The following TMEM30A variants were observed in gnomAD, a reference collection of about 807,000 sequenced individuals.
TMEM30A encodes cell cycle control protein 50A.
A neutral mutation model predicts 38.2 loss-of-function variants in TMEM30A; 24 were observed. The ratio of observed to expected loss-of-function variants is 0.63; its 90% CI spans 0.46 to 0.88. The LOEUF (loss-of-function observed/expected upper bound fraction) is 0.88, where lower values mean the gene tolerates loss of function less well. Ranked by LOEUF, TMEM30A falls within the 40% of genes least tolerant of loss-of-function variation. TMEM30A has a pLI of 0.00. For missense variants in TMEM30A, 370 were observed against 458.6 expected, an observed-to-expected ratio of 0.81 and a Z score of 1.77; for synonymous variants, 145 against 161.6, an observed-to-expected ratio of 0.90 and a Z score of 0.78.
At chr6:75,273,619 G>A (rs1259965444) in intron 1 of TMEM30A, among the ~76,000 whole-genome samples, 1 of 152,060 alleles carries the variant, frequency 6.6e-6, no homozygotes, top group African/African-American at 2.4e-5. Flanking sequence ...CCTGACTGGG[G>A]GCTTGGAACA....
chr6:75,275,734 G>C (rs1049312303), intron 1 of TMEM30A, among the ~76,000 whole-genome samples: 1 of 152,036 alleles, frequency 6.6e-6, no homozygotes, highest in Non-Finnish European at 1.5e-5. Context: ...ACTTGCAATA[G>C]CCTCTTAACT....
chr6:75,259,085 T>C (rs1771919774), intron 5 of TMEM30A, 99 bp from the exon 6 acceptor site: 1 of 1,043,936 alleles, frequency 9.6e-7, no homozygotes, highest in Non-Finnish European at 1.4e-6. Flanking sequence ...TAGGGGTTTA[T>C]TCAAAAGAAG....
rs1582275517 is a variant in TMEM30A, at chr6:75,260,690, C to A, written c.541+134G>T. The A allele has an allele frequency of 8.7e-6, 4 of 461,708 alleles. No individual in the cohort carries two copies. The East Asian group carries it at 1.4e-4, about 16-fold the overall frequency. The allele number at this position is 461,708 out of a possible 1,614,324, so 28.6% of individuals were successfully genotyped here. A position where few individuals can be genotyped will look rare whatever the true frequency, so the allele number is the denominator to read the frequency against. ...GAAAATCACAAATCATTATAATACCCCATTCAATACTCGATTTAGTCTTAA... is the reference window on the plus strand; with the variant it reads ...GAAAATCACAAATCATTATAATACCACATTCAATACTCGATTTAGTCTTAA... On this transcript the variant is annotated intron_variant, in intron 4 of 6. Transcript: ENST00000230461.
At chr6:75,266,534 C>T (rs1454652272) in intron 2 of TMEM30A, among the ~76,000 whole-genome samples, 1 of 152,148 alleles carries the variant, frequency 6.6e-6, no homozygotes, top group African/African-American at 2.4e-5. Context: ...AGAGTTTAGT[C>T]CAATTCAAAG....
intron 5 of TMEM30A, 111 bp downstream of exon 5, chr6:75,259,236 G>C: frequency 8.1e-7 from 1 of 1,240,052 alleles, no homozygotes; most frequent in Non-Finnish European, 1.1e-6. Context: ...GCTGAGGAAA[G>C]AAAAATTGTG....
In TMEM30A at chr6:75,258,813, G is replaced by A. The variant is rs759668824; in HGVS notation, c.859C>T (p.Pro287Ser). Reference protein sequence around the residue: ...ERKSDLHPTLPAGRYSLNVTY... With the variant: ...ERKSDLHPTLSAGRYSLNVTY... ...ACATTCAAAGAGTATCGGCCAGCTG[G>A]TAATGTTGGATGTAAATCACTTTTC... is the stretch of plus-strand genomic sequence containing the variant. The change falls in exon 6 of 7, where the codon CCA becomes TCA. Residue 287 changes from proline to serine, a missense_variant. Pro to Ser is a moderately conservative substitution (Grantham distance 74). Coordinates refer to ENST00000230461, the MANE Select transcript of TMEM30A (RefSeq NM_018247.4). 4 of 1,613,886 alleles carry A rather than the reference G, an allele frequency of 2.5e-6. No individual in the cohort carries two copies. Among genetic ancestry groups the A allele is most frequent in the South Asian group, 2.2e-5 (2 of 91,076 alleles).
intron 2 of TMEM30A, 114 bp downstream of exon 2, chr6:75,267,527 A>T: frequency 1.6e-6 from 1 of 642,670 alleles, no homozygotes; most frequent in Non-Finnish European, 2.5e-6. Flanking sequence ...TATAAACTCC[A>T]GTAAATTATA....
intron 1 of TMEM30A, among the ~76,000 whole-genome samples, chr6:75,269,546 T>G (rs931987089): frequency 6.6e-6 from 1 of 152,264 alleles, no homozygotes; most frequent in Non-Finnish European, 1.5e-5. Context: ...GTTCACCTAC[T>G]GAAGGACATC....
chr6:75,256,252 C>A lies in TMEM30A; in HGVS notation c.936G>T (p.Leu312Phe). The A allele has an allele frequency of 6.2e-7, 1 of 1,613,472 alleles. No individual in the cohort carries two copies. Among genetic ancestry groups the A allele is most frequent in the East Asian group, 2.2e-5 (1 of 44,862 alleles). The change falls in exon 7 of 7, where the codon TTG becomes TTT. Residue 312 changes from leucine to phenylalanine, a missense_variant. Leu to Phe is a conservative substitution (Grantham distance 22). Coordinates refer to ENST00000230461, the MANE Select transcript of TMEM30A (RefSeq NM_018247.4). ...TTCCTCCCATCCATGAAATAGTGCT[C>A]AAGATCATCCGTTTTCGTCCATCAA... ...HYFDGRKRMI[L>F]STISWMGGKN...
intron 3 of TMEM30A, among the ~76,000 whole-genome samples, chr6:75,263,305 T>A (rs1772005020): frequency 6.6e-6 from 1 of 152,214 alleles, no homozygotes; most frequent in African/African-American, 2.4e-5. Context: ...GGATTACGCA[T>A]AGCTCAGATC....
intron 1 of TMEM30A, among the ~76,000 whole-genome samples, chr6:75,282,902 T>C (rs907709212): frequency 2.6e-5 from 4 of 152,312 alleles, no homozygotes; most frequent in Admixed American, 6.5e-5. Flanking sequence ...CAGCTCTGCC[T>C]GACCCCAGCC....
At chr6:75,270,598 T>C (rs1772149362) in intron 1 of TMEM30A, among the ~76,000 whole-genome samples, 1 of 152,188 alleles carries the variant, frequency 6.6e-6, no homozygotes, top group South Asian at 2.1e-4. Flanking sequence ...GAGCTGAATC[T>C]ACCAGTACCT....
chr6:75,277,076 T>C (rs1772273828), intron 1 of TMEM30A, among the ~76,000 whole-genome samples: 1 of 152,158 alleles, frequency 6.6e-6, no homozygotes, highest in Non-Finnish European at 1.5e-5. Flanking sequence ...TCATTCTTCT[T>C]CATAGGATTT....
chr6:75,278,513 G>A (rs1772299035), intron 1 of TMEM30A, among the ~76,000 whole-genome samples: 1 of 152,136 alleles, frequency 6.6e-6, no homozygotes, highest in South Asian at 2.1e-4. Context: ...TTGCTACCGT[G>A]AAAAGGCAGT....
chr6:75,269,825 G>A (rs1366236264), intron 1 of TMEM30A, among the ~76,000 whole-genome samples: 2 of 152,128 alleles, frequency 1.3e-5, no homozygotes, highest in African/African-American at 2.4e-5. Flanking sequence ...CTTCCAAGTA[G>A]CTGGGACTAC....
chr6:75,273,562 C>T (rs1400728790), intron 1 of TMEM30A, among the ~76,000 whole-genome samples: 2 of 151,732 alleles, frequency 1.3e-5, no homozygotes, highest in South Asian at 2.1e-4. Context: ...TGAAAGCTGC[C>T]GAGTAGATGT....
chr6:75,266,427 T>C (rs1772067633), intron 2 of TMEM30A, among the ~76,000 whole-genome samples: 1 of 152,180 alleles, frequency 6.6e-6, no homozygotes, highest in Non-Finnish European at 1.5e-5. Flanking sequence ...AAGGAAATAT[T>C]ACCTCGAGAT....
At chr6:75,284,121 C>A in intron 1 of TMEM30A, 1 of 476,524 alleles carries the variant, frequency 2.1e-6, no homozygotes, top group Admixed American at 3.5e-5. Flanking sequence ...AAGCGTTCTC[C>A]ACCTGACCTA....
At chr6:75,267,169 T>C (rs143494664) in intron 2 of TMEM30A, among the ~76,000 whole-genome samples, 1 of 152,260 alleles carries the variant, frequency 6.6e-6, no homozygotes, top group African/African-American at 2.4e-5. Flanking sequence ...TATAAAAACA[T>C]AAATGATCAG....
Sources: allele counts gnomAD v4.1 joint callset (sites outside exome capture counted in the v4.1 genomes callset), GRCh38; gene constraint gnomAD v4.1.1; transcripts MANE v1.5; gene names NCBI Gene and HGNC (gene_info 2026-07-23, HGNC 2026-07-21).